Variants in TCEANC2 observed in about 807,000 individuals in gnomAD.
The protein encoded by TCEANC2 is transcription elongation factor A N-terminal and central domain-containing protein 2.
A neutral mutation model predicts 22.8 loss-of-function variants in TCEANC2; 20 were observed. That is an observed-to-expected ratio of 0.88 (90% CI 0.62 to 1.28). The LOEUF is 1.28. Ranked by LOEUF, TCEANC2 falls within the 50% of genes most tolerant of loss-of-function variation. The pLI is 0.00. For missense variants in TCEANC2, 251 were observed against 249.7 expected (o/e 1.01, Z -0.03); for synonymous variants, 84 against 95.5 (o/e 0.88, Z 0.70).
intron 3 of TCEANC2, among the ~76,000 whole-genome samples, chr1:54,073,505 C>T (rs1407202484): frequency 6.6e-6 from 1 of 152,206 alleles, no homozygotes; most frequent in African/African-American, 2.4e-5. Flanking sequence ...AACCCCACCC[C>T]TCCCTGAGTG....
At position 54,059,396 on chromosome 1, in the gene TCEANC2, C is replaced by A. The variant is rs148410681; in HGVS notation, c.102+4872C>A. On this transcript the variant is annotated intron_variant, in intron 2 of 4. Transcript: ENST00000234827. ...TGAACTCTTGACCTCAGGTGATCCACCTGCCTTGGCCTCCCAAAGTGCTGG... is the reference window on the plus strand; with the variant it reads ...TGAACTCTTGACCTCAGGTGATCCAACTGCCTTGGCCTCCCAAAGTGCTGG... Among the ~76,000 whole-genome samples the A allele has an allele frequency of 9.2e-5, 14 of 152,326 alleles. No homozygotes were observed. The East Asian group carries it at 2.7e-3, about 29-fold the overall frequency.
intron 2 of TCEANC2, among the ~76,000 whole-genome samples, chr1:54,067,107 G>A (rs1657972039): frequency 6.6e-6 from 1 of 152,218 alleles, no homozygotes; most frequent in African/African-American, 2.4e-5. Flanking sequence ...GGTGGACAGA[G>A]ATCAGTCTCT....
chr1:54,076,864 C>A (rs918817447), intron 3 of TCEANC2, among the ~76,000 whole-genome samples: 3 of 152,110 alleles, frequency 2.0e-5, no homozygotes, highest in African/African-American at 4.8e-5. Context: ...ACATAATAAA[C>A]AAATTGTGTA....
intron 2 of TCEANC2, among the ~76,000 whole-genome samples, chr1:54,057,054 G>A (rs1290163442): frequency 1.3e-5 from 2 of 149,926 alleles, no homozygotes; most frequent in African/African-American, 4.9e-5. Flanking sequence ...AAAAAAAAAA[G>A]AATAAAACAA....
chr1:54,109,503 T>G (rs1658809290), downstream of TCEANC2, among the ~76,000 whole-genome samples: 1 of 152,198 alleles, frequency 6.6e-6, no homozygotes, highest in Non-Finnish European at 1.5e-5. Flanking sequence ...TATGGTTACA[T>G]GTATCAGGGG....
Position 54,103,949 on chromosome 1 carries a change from A to C in TCEANC2, c.*7476A>C, listed in dbSNP as rs1307007294. 6.6e-6 allele frequency: 1 copy of C among 152,198 alleles called. No homozygotes were observed. The highest frequency in any genetic ancestry group is 1.5e-5 in the Non-Finnish European group (1 of 68,046). 9.4% of individuals were successfully genotyped at this position (152,198 alleles called of 1,614,324 possible). ...CATACAGGATCCCATATGATTCCACAGCAAAGGAGGTGCAGCAGTGGGCAC... is the reference window on the plus strand; with the variant it reads ...CATACAGGATCCCATATGATTCCACCGCAAAGGAGGTGCAGCAGTGGGCAC... On this transcript the variant is annotated 3_prime_UTR_variant, in exon 5 of 5. Transcript: ENST00000234827.
At chr1:54,085,149 A>C (rs1212881253) in intron 3 of TCEANC2, among the ~76,000 whole-genome samples, 2 of 152,214 alleles carry the variant, frequency 1.3e-5, no homozygotes, top group East Asian at 1.9e-4. Flanking sequence ...TTAAAGACTC[A>C]ATATTATTTT....
downstream of TCEANC2, among the ~76,000 whole-genome samples, chr1:54,110,548 G>A (rs1658823317): frequency 1.3e-5 from 2 of 152,046 alleles, no homozygotes; most frequent in South Asian, 4.2e-4. Flanking sequence ...AGGCTACAGT[G>A]AGCCGTAATT....
At chr1:54,071,096 G>C (rs758550558) in intron 3 of TCEANC2, among the ~76,000 whole-genome samples, 16 of 152,176 alleles carry the variant, frequency 1.1e-4, no homozygotes, top group Non-Finnish European at 2.1e-4. Context: ...AATGTAATGT[G>C]CTTGAGAGAG....
Position 54,073,645 on chromosome 1 carries a change from T to C in TCEANC2, c.244+4748T>C, listed in dbSNP as rs746581401. Among the ~76,000 whole-genome samples the C allele has an allele frequency of 2.6e-5, 4 of 152,294 alleles. No homozygotes were observed. The South Asian group carries it at 8.3e-4, about 32-fold the overall frequency. ...GAGAGTTTGCTCTTTATCTTAAAGA[T>C]AGTAGGATTATTATTGAAGACTTTT... On this transcript the variant is annotated intron_variant, in intron 3 of 4. Transcript: ENST00000234827.
At chr1:54,074,619 A>T (rs1658114909) in intron 3 of TCEANC2, among the ~76,000 whole-genome samples, 1 of 152,176 alleles carries the variant, frequency 6.6e-6, no homozygotes, top group Non-Finnish European at 1.5e-5. Flanking sequence ...AAAACAAAAG[A>T]ATGCTGTCAT....
chr1:54,092,548 T>G (rs543365348), intron 4 of TCEANC2, among the ~76,000 whole-genome samples: 1 of 152,358 alleles, frequency 6.6e-6, no homozygotes, highest in South Asian at 2.1e-4. Context: ...GGCATTCATT[T>G]AACAAATATT....
chr1:54,099,282 G>A lies in TCEANC2; in HGVS notation c.*2809G>A, dbSNP rs1658611667. 6.6e-6 allele frequency: 1 copy of A among 152,284 alleles called. No individual in the cohort carries two copies. The highest frequency in any genetic ancestry group is 6.5e-5 in the Admixed American group (1 of 15,292). The allele number at this position is 152,284 out of a possible 1,614,324, so 9.4% of individuals were successfully genotyped here. On this transcript the variant is annotated 3_prime_UTR_variant, in exon 5 of 5. Coordinates refer to ENST00000234827, the MANE Select transcript of TCEANC2 (RefSeq NM_153035.3). ...GAGATGTGCTTTGGAGATTTGGAAA[G>A]CAGGCTGTGTTATTTGTGGCTGTTT...
intron 2 of TCEANC2, among the ~76,000 whole-genome samples, chr1:54,057,694 A>G (rs933151779): frequency 2.0e-5 from 3 of 152,118 alleles, no homozygotes; most frequent in African/African-American, 7.2e-5. Flanking sequence ...AAATCTACTC[A>G]GGTCACTTTC....
intron 3 of TCEANC2, among the ~76,000 whole-genome samples, chr1:54,081,905 G>C (rs142797253): frequency 4.7e-4 from 71 of 152,274 alleles, no homozygotes; most frequent in Admixed American, 9.2e-4. Flanking sequence ...TCTGTCCTTC[G>C]GCCACCTCTC....
intron 2 of TCEANC2, among the ~76,000 whole-genome samples, chr1:54,065,627 A>C (rs527464509): frequency 6.6e-6 from 1 of 152,240 alleles, no homozygotes; most frequent in East Asian, 1.9e-4. Context: ...CTGAGGTGGG[A>C]GGACCACTTG....
chr1:54,110,588 AGCATAACCTT>A (rs1365968200), downstream of TCEANC2, among the ~76,000 whole-genome samples: 1 of 152,172 alleles, frequency 6.6e-6, no homozygotes, highest in Non-Finnish European at 1.5e-5. Context: ...TGGGCAACAG[AGCATAACCTT>A]GTCTCAAACA....
At position 54,062,715 on chromosome 1, in the gene TCEANC2, T is replaced by C. The variant is rs528786594; in HGVS notation, c.103-6041T>C. 7.0e-4 allele frequency among the ~76,000 whole-genome samples: 106 copies of C among 151,984 alleles called. 2 individuals are homozygous for C. In the South Asian group the frequency reaches 0.021, roughly 31 times the overall value. On this transcript the variant is annotated intron_variant, in intron 2 of 4. Coordinates refer to ENST00000234827, the MANE Select transcript of TCEANC2 (RefSeq NM_153035.3). Reference sequence around the variant, plus strand: ...TAGAAGACATGATGCTTGAAGAGAGTCTTAAAAAATGAATAAGTATTTATC... The same window carrying C: ...TAGAAGACATGATGCTTGAAGAGAGCCTTAAAAAATGAATAAGTATTTATC...
At chr1:54,056,348 G>A (rs1012483085) in intron 2 of TCEANC2, among the ~76,000 whole-genome samples, 1 of 149,032 alleles carries the variant, frequency 6.7e-6, no homozygotes, top group Admixed American at 6.7e-5. Context: ...TTGCACTGTC[G>A]CCCCGGCTGG....
Sources: gnomAD v4.1 joint callset for allele counts (sites outside exome capture counted in the v4.1 genomes callset) on GRCh38, gnomAD v4.1.1 for gene constraint, MANE v1.5 for transcripts, NCBI Gene and HGNC (gene_info 2026-07-23, HGNC 2026-07-21) for gene names.